SOX6: variants seen among roughly 807,000 people sequenced by gnomAD.
The protein encoded by SOX6 is SRY-box transcription factor 6, also known as transcription factor SOX-6.
A neutral mutation model predicts 97.8 loss-of-function variants in SOX6; 11 were observed. The observed-to-expected ratio is 0.11, with a 90% CI of 0.07 to 0.19. SOX6 has a LOEUF of 0.19. SOX6 is among the 10% of genes least tolerant of loss of function. SOX6 has a pLI of 1.00. For missense variants in SOX6, 810 were observed against 1,039.5 expected, an observed-to-expected ratio of 0.78 and a Z score of 3.04; for synonymous variants, 360 against 371.4, an observed-to-expected ratio of 0.97 and a Z score of 0.35.
intron 4 of SOX6, among the ~76,000 whole-genome samples, chr11:16,525,016 T>A (rs531839133): frequency 1.3e-5 from 2 of 152,334 alleles, no homozygotes; most frequent in African/African-American, 4.8e-5. Flanking sequence ...TCCATGCTCA[T>A]GGGTAGGAAG....
At chr11:16,580,525 G>C (rs1259558353) in intron 4 of SOX6, among the ~76,000 whole-genome samples, 1 of 151,940 alleles carries the variant, frequency 6.6e-6, no homozygotes, top group African/African-American at 2.4e-5. Flanking sequence ...CTACCAAAAA[G>C]ACACACCCAC....
intron 3 of SOX6, among the ~76,000 whole-genome samples, chr11:16,262,904 GT>G (rs1330097339): frequency 2.0e-5 from 3 of 151,928 alleles, no homozygotes; most frequent in African/African-American, 7.2e-5. Context: ...CTATGTGACA[GT>G]TCCAAACCTA....
In SOX6 at chr11:15,972,306, T is replaced by C. The variant is rs528405472; in HGVS notation, c.*503A>G. ...TTGGAATTCCGAGGCCTTTTGAATA[T>C]GCTCTACATGCAGCTGCACACGCCG... On this transcript the variant is annotated 3_prime_UTR_variant, in exon 16 of 16. Transcript: ENST00000683767. 1.9e-5 allele frequency: 3 copies of C among 154,174 alleles called. No homozygotes were observed. The highest frequency in any genetic ancestry group is 1.3e-4 in the Admixed American group (2 of 15,520). The allele number at this position is 154,174 out of a possible 1,614,324, so 9.6% of individuals were successfully genotyped here.
At chr11:16,058,078 C>T (rs1310536327) in intron 9 of SOX6, among the ~76,000 whole-genome samples, 1 of 151,986 alleles carries the variant, frequency 6.6e-6, no homozygotes, top group East Asian at 1.9e-4. Context: ...CCTCTGTATT[C>T]ATATTTGATA....
At chr11:16,222,108 C>T (rs1383192996) in intron 4 of SOX6, among the ~76,000 whole-genome samples, 5 of 152,008 alleles carry the variant, frequency 3.3e-5, no homozygotes, top group African/African-American at 9.7e-5. Flanking sequence ...TTATCAAAGC[C>T]GACTAAATGC....
At chr11:16,020,666 T>C (rs1048278067) in intron 12 of SOX6, among the ~76,000 whole-genome samples, 10 of 152,166 alleles carry the variant, frequency 6.6e-5, no homozygotes, top group African/African-American at 9.6e-5. Context: ...AAGTTTTCCA[T>C]GAACTCTATA....
At chr11:16,071,361 G>A (rs1848220558) in intron 9 of SOX6, among the ~76,000 whole-genome samples, 1 of 152,234 alleles carries the variant, frequency 6.6e-6, no homozygotes, top group Non-Finnish European at 1.5e-5. Context: ...TCTCACTTCT[G>A]TCTGAACTTA....
intron 2 of SOX6, among the ~76,000 whole-genome samples, chr11:16,326,637 C>T (rs1361395708): frequency 6.6e-6 from 1 of 152,132 alleles, no homozygotes; most frequent in East Asian, 1.9e-4. Context: ...GCAAAAATTA[C>T]ACTTTATTAT....
intron 9 of SOX6, among the ~76,000 whole-genome samples, chr11:16,061,316 A>AAC (rs201572940): frequency 6.6e-6 from 1 of 150,964 alleles, no homozygotes; most frequent in East Asian, 1.9e-4. Flanking sequence ...AAAAAAAAAA[A>AAC]CAGGAATATA....
At chr11:16,004,844 G>T (rs1854503511) in intron 13 of SOX6, among the ~76,000 whole-genome samples, 1 of 152,040 alleles carries the variant, frequency 6.6e-6, no homozygotes, top group South Asian at 2.1e-4. Context: ...ATCTTTCCTA[G>T]CTAAGTAGCC....
intron 12 of SOX6, among the ~76,000 whole-genome samples, chr11:16,026,437 A>G (rs567267372): frequency 6.6e-6 from 1 of 152,290 alleles, no homozygotes; most frequent in South Asian, 2.1e-4. Flanking sequence ...AAGGCAGGGA[A>G]AGGATGCAGG....
chr11:16,222,679 C>A (rs1852578067), intron 4 of SOX6, among the ~76,000 whole-genome samples: 1 of 151,918 alleles, frequency 6.6e-6, no homozygotes, highest in Admixed American at 6.6e-5. Context: ...AATTTGAGCA[C>A]TTCATTTCTA....
chr11:16,392,752 A>T (rs980013341), intron 1 of SOX6, among the ~76,000 whole-genome samples: 1 of 152,052 alleles, frequency 6.6e-6, no homozygotes, highest in African/African-American at 2.4e-5. Flanking sequence ...TTGGCTGTCT[A>T]CAGATAAAAA....
chr11:16,445,490 G>A (rs1410602151), intron 1 of SOX6, among the ~76,000 whole-genome samples: 1 of 152,080 alleles, frequency 6.6e-6, no homozygotes. Flanking sequence ...AACCAAATCT[G>A]TGTACCCACA....
At chr11:16,194,998 T>A (rs1323391114) in intron 4 of SOX6, among the ~76,000 whole-genome samples, 1 of 152,206 alleles carries the variant, frequency 6.6e-6, no homozygotes, top group East Asian at 1.9e-4. Flanking sequence ...TTCTGGCCTT[T>A]CAGAAACATG....
intron 15 of SOX6, among the ~76,000 whole-genome samples, chr11:15,984,868 T>C (rs990918077): frequency 7.2e-5 from 11 of 152,208 alleles, no homozygotes; most frequent in African/African-American, 2.7e-4. Context: ...AGTTCACCTT[T>C]ATTGATATCG....
chr11:16,163,536 C>CAATA (rs2134073130), intron 6 of SOX6, among the ~76,000 whole-genome samples: 3 of 152,256 alleles, frequency 2.0e-5, no homozygotes, highest in African/African-American at 7.2e-5. Flanking sequence ...CTTTCTCAGC[C>CAATA]AATATCTCAG....
intron 1 of SOX6, among the ~76,000 whole-genome samples, chr11:16,469,957 T>C (rs1860109602): frequency 6.6e-6 from 1 of 152,078 alleles, no homozygotes; most frequent in African/African-American, 2.4e-5. Flanking sequence ...GGACCTAGTA[T>C]ATAAAATTTA....
At chr11:16,003,418 G>A (rs1240683754) in intron 13 of SOX6, among the ~76,000 whole-genome samples, 1 of 151,982 alleles carries the variant, frequency 6.6e-6, no homozygotes, top group Non-Finnish European at 1.5e-5. Context: ...AGTAGCTTAG[G>A]CTCTGACAGG....
Sources: gnomAD v4.1 joint callset for allele counts (sites outside exome capture counted in the v4.1 genomes callset) on GRCh38, gnomAD v4.1.1 for gene constraint, MANE v1.5 for transcripts, NCBI Gene and HGNC (gene_info 2026-07-23, HGNC 2026-07-21) for gene names.